Variants in CHRNB3 observed in about 807,000 individuals in gnomAD.
CHRNB3 encodes the protein neuronal acetylcholine receptor subunit beta-3.
CHRNB3 carries 37 observed loss-of-function variants against 40.6 expected under a neutral mutation model. That is an observed-to-expected ratio of 0.91 (90% CI 0.70 to 1.20). The LOEUF (loss-of-function observed/expected upper bound fraction) is 1.20, where lower values mean the gene tolerates loss of function less well. Ranked by LOEUF, CHRNB3 falls within the 50% of genes most tolerant of loss-of-function variation. The pLI is 0.00. For missense variants in CHRNB3, 505 were observed against 551.2 expected (o/e 0.92, Z 0.84); for synonymous variants, 207 against 207.1 (o/e 1.00, Z 0.00).
At chr8:42,718,629 C>T (rs1403323410) in intron 3 of CHRNB3, among the ~76,000 whole-genome samples, 1 of 141,884 alleles carries the variant, frequency 7.0e-6, no homozygotes, top group South Asian at 2.2e-4. Flanking sequence ...GCCGAGATGG[C>T]GCCACTGCGC....
In CHRNB3 at chr8:42,718,752, G is replaced by A. The variant is rs1816168620; in HGVS notation, c.249+8318G>A. Among the ~76,000 whole-genome samples the A allele has an allele frequency of 1.3e-5, 2 of 151,116 alleles. 1 individual carries two copies. The highest frequency in any genetic ancestry group is 4.9e-5 in the African/African-American group (2 of 40,968). ...TTTTTTTAAAAAGCCTTACAATTTA[G>A]GTTTAAATAAAATTTGGCTCTGGGT... On this transcript the variant is annotated intron_variant, in intron 3 of 5. Coordinates refer to ENST00000289957, the MANE Select transcript of CHRNB3 (RefSeq NM_000749.5).
intron 1 of CHRNB3, among the ~76,000 whole-genome samples, chr8:42,707,131 A>C (rs1017662959): frequency 7.9e-5 from 12 of 152,202 alleles, no homozygotes; most frequent in Admixed American, 7.9e-4. Context: ...TTTTATGTGG[A>C]GGAAAATGGG....
intron 3 of CHRNB3, among the ~76,000 whole-genome samples, chr8:42,718,132 C>CA (rs1371940072): frequency 6.6e-6 from 1 of 151,956 alleles, no homozygotes; most frequent in Non-Finnish European, 1.5e-5. Flanking sequence ...GCCTGGCCTT[C>CA]ATCCTTAATA....
chr8:42,703,440 T>TAAA lies in CHRNB3; in HGVS notation c.53-5277_53-5276insAAA, dbSNP rs1554589400. On this transcript the variant is annotated intron_variant, in intron 1 of 5. Transcript: ENST00000289957. ...CTTCGTCTAAAAAAAAAAAAAATAT[T>TAAA]TATATATATATATATATATATGTAT... 1.1e-3 allele frequency among the ~76,000 whole-genome samples: 91 copies of TAAA among 80,684 alleles called. 5 individuals carry two copies. The highest frequency in any genetic ancestry group is 7.5e-3 in the Middle Eastern group (1 of 134). 52.9% of individuals were successfully genotyped at this position (80,684 alleles called of 152,430 possible).
chr8:42,718,542 A>G (rs187723225), intron 3 of CHRNB3, among the ~76,000 whole-genome samples: 8,647 of 151,828 alleles, frequency 0.057, 318 homozygotes, highest in Middle Eastern at 0.11. Flanking sequence ...GCATGGTGGC[A>G]GGTGCCTGTA....
chr8:42,697,379 C>T lies in CHRNB3; in HGVS notation c.-168C>T. 5 of 586,460 alleles carry T rather than the reference C, an allele frequency of 8.5e-6. No homozygotes were observed. In the South Asian group the frequency reaches 1.1e-4, roughly 13 times the overall value. The allele number at this position is 586,460 out of a possible 1,614,324, so 36.3% of individuals were successfully genotyped here. ...GAAGTGCACTTTGAGAAGCGGCACA[C>T]TCGGCGAGAGGGGTTGAGATTGTTT... On this transcript the variant is annotated 5_prime_UTR_variant, in exon 1 of 6. Transcript: ENST00000289957.
Position 42,708,784 on chromosome 8 carries a change from T to A in CHRNB3, c.120T>A (p.Tyr40Ter). The A allele has an allele frequency of 6.2e-7, 1 of 1,614,152 alleles. No individual in the cohort carries two copies. The highest frequency in any genetic ancestry group is 1.1e-5 in the South Asian group (1 of 91,082). ...TCCTCAGACATTTGTTCCAAGGTTA[T>A]CAGAAATGGGTCCGCCCTGTATTAC... ...DALLRHLFQGYQKWVRPVLHS... is the reference protein window; with the variant it reads ...DALLRHLFQG Residue 40 changes from tyrosine to a stop codon, truncating the protein, a stop_gained, in exon 2 of 6, where the codon TAT becomes TAA. Transcript: ENST00000289957. LOFTEE classifies it high-confidence loss of function.
At chr8:42,710,315 T>G (rs1007920444) in intron 2 of CHRNB3, 75 bp from the exon 3 acceptor site, 3 of 1,196,484 alleles carry the variant, frequency 2.5e-6, no homozygotes, top group South Asian at 2.6e-5. Flanking sequence ...GAGATCCCAT[T>G]TCTAAAACAA....
chr8:42,715,735 A>G (rs73633739), intron 3 of CHRNB3, among the ~76,000 whole-genome samples: 1,818 of 152,194 alleles, frequency 0.012, 49 homozygotes, highest in African/African-American at 0.042. Context: ...CATCCAGAGG[A>G]AGTCTTCTAC....
At chr8:42,722,386 A>AG (rs1160733662) in intron 3 of CHRNB3, among the ~76,000 whole-genome samples, 3 of 151,836 alleles carry the variant, frequency 2.0e-5, no homozygotes, top group Non-Finnish European at 4.4e-5. Context: ...AGAAAAGAAA[A>AG]AAAAAAGATC....
Position 42,732,124 on chromosome 8 carries a change from G to C in CHRNB3, c.817G>C (p.Val273Leu). The change falls in exon 5 of 6, where the codon GTT (valine) becomes CTT (leucine). Residue 273 changes from valine (V) to leucine (L), a missense_variant. Val to Leu is a conservative substitution (Grantham distance 32, BLOSUM62 1). Transcript: ENST00000289957. ...ACTTTCATTATCCACATCGGTCTTGGTTTCTCTGACAGTTTTCCTTTTAGT... is the reference window on the plus strand; with the variant it reads ...ACTTTCATTATCCACATCGGTCTTGCTTTCTCTGACAGTTTTCCTTTTAGT... The part of the protein sequence containing the change: ...EKLSLSTSVL[V>L]SLTVFLLVIE... The C allele has an allele frequency of 6.2e-7, 1 of 1,613,468 alleles. No homozygotes were observed. The highest frequency in any genetic ancestry group is 1.3e-5 in the African/African-American group (1 of 74,912).
chr8:42,703,464 A>G (rs1236099943), intron 1 of CHRNB3, among the ~76,000 whole-genome samples: 2 of 130,648 alleles, frequency 1.5e-5, no homozygotes, highest in East Asian at 2.6e-4. Context: ...ATATATATGT[A>G]TCCACAATGG....
intron 3 of CHRNB3, among the ~76,000 whole-genome samples, chr8:42,720,049 A>AG (rs1041533596): frequency 1.4e-5 from 2 of 144,582 alleles, no homozygotes; most frequent in Non-Finnish European, 3.0e-5. Context: ...ACCTTTCCAC[A>AG]GGCAGTTCCA....
chr8:42,725,496 A>G (rs1816294129), intron 3 of CHRNB3: 1 of 681,748 alleles, frequency 1.5e-6, no homozygotes, highest in Non-Finnish European at 2.7e-6. Flanking sequence ...ACAAAAACAC[A>G]TGCTTCCACT....
intron 3 of CHRNB3, chr8:42,714,830 G>A (rs898147247): frequency 1.3e-5 from 2 of 152,256 alleles, no homozygotes; most frequent in Non-Finnish European, 2.9e-5. Context: ...GTTAAGCACT[G>A]TTAGGGAAGT....
intron 1 of CHRNB3, among the ~76,000 whole-genome samples, chr8:42,702,786 C>A (rs1163757079): frequency 6.6e-6 from 1 of 152,130 alleles, no homozygotes; most frequent in Non-Finnish European, 1.5e-5. Flanking sequence ...GAATATAATT[C>A]TTCCAGGTAG....
chr8:42,708,932 A>AAT, intron 2 of CHRNB3, 64 bp downstream of exon 2: 1 of 1,423,622 alleles, frequency 7.0e-7, no homozygotes, highest in South Asian at 1.6e-5. Context: ...ATGAGTCTAA[A>AAT]ATATATATTT....
rs542103741 is a variant in CHRNB3 at position 42,708,137 on chromosome 8, G to A, written c.53-580G>A. Among the ~76,000 whole-genome samples the A allele has an allele frequency of 3.9e-5, 6 of 152,300 alleles. No homozygotes were observed. The East Asian group carries it at 1.2e-3, about 29-fold the overall frequency. On this transcript the variant is annotated intron_variant, in intron 1 of 5. Coordinates refer to ENST00000289957, the MANE Select transcript of CHRNB3 (RefSeq NM_000749.5). ...GGGACCTGGGTGTTGACCCCATGAT[G>A]GGAAAATCTCATGAGAGAGTGCAGC... is the stretch of plus-strand genomic sequence containing the variant.
intron 5 of CHRNB3, 46 bp from the exon 6 acceptor site, chr8:42,736,438 A>C: frequency 8.7e-6 from 14 of 1,607,982 alleles, no homozygotes; most frequent in Non-Finnish European, 1.2e-5. Flanking sequence ...AATACAGAAC[A>C]GTTGCTCAGT....
Sources: allele counts gnomAD v4.1 joint callset (sites outside exome capture counted in the v4.1 genomes callset), GRCh38; gene constraint gnomAD v4.1.1; transcripts MANE v1.5; gene names NCBI Gene and HGNC (gene_info 2026-07-23, HGNC 2026-07-21).